Variants in GALNT10 observed in about 807,000 individuals in gnomAD.
GALNT10 encodes the protein GalNAc transferase 10.
GALNT10 carries 41 observed loss-of-function variants against 75.0 expected under a neutral mutation model. That is an observed-to-expected ratio of 0.55 (90% CI 0.43 to 0.71). The LOEUF is 0.71. GALNT10 is among the 30% of genes least tolerant of loss of function. The pLI, the probability that GALNT10 is intolerant of heterozygous loss-of-function variation, is 0.00. For missense variants in GALNT10, 727 were observed against 818.5 expected (o/e 0.89, Z 1.36); for synonymous variants, 302 against 313.0 (o/e 0.96, Z 0.37).
intron 5 of GALNT10, among the ~76,000 whole-genome samples, chr5:154,380,243 C>T (rs961171967): frequency 1.3e-5 from 2 of 152,140 alleles, no homozygotes; most frequent in African/African-American, 4.8e-5. Context: ...TGTGCAGCTG[C>T]CTCAGGGCCC....
chr5:154,281,742 C>G (rs1754041059), intron 1 of GALNT10, among the ~76,000 whole-genome samples: 1 of 152,218 alleles, frequency 6.6e-6, no homozygotes, highest in African/African-American at 2.4e-5. Context: ...GTATTTTTCT[C>G]TCACTTCAAA....
intron 7 of GALNT10, among the ~76,000 whole-genome samples, chr5:154,395,357 G>C (rs1432222215): frequency 6.6e-6 from 1 of 152,218 alleles, no homozygotes; most frequent in Non-Finnish European, 1.5e-5. Context: ...GCTAGCTGCT[G>C]TGTGACTTTG....
In GALNT10 at chr5:154,417,273, G is replaced by A; in HGVS notation, c.*301G>A. 6.4e-6 allele frequency: 2 copies of A among 313,082 alleles called. No homozygotes were observed. The highest frequency in any genetic ancestry group is 1.2e-5 in the Non-Finnish European group (2 of 167,064). The allele number at this position is 313,082 out of a possible 1,614,324, so 19.4% of individuals were successfully genotyped here. ...TTCAACTTTGTCACTATGTCCCCTT[G>A]AACATTATGTGGGAGAACACCAAGG... On this transcript the variant is annotated 3_prime_UTR_variant, in exon 12 of 12. Coordinates refer to ENST00000297107, the MANE Select transcript of GALNT10 (RefSeq NM_198321.4).
chr5:154,402,576 C>G lies in GALNT10; in HGVS notation c.1057-1528C>G, dbSNP rs1756191135. Among the ~76,000 whole-genome samples the G allele has an allele frequency of 6.6e-6, 1 of 152,226 alleles. No individual in the cohort carries two copies. The highest frequency in any genetic ancestry group is 6.5e-5 in the Admixed American group (1 of 15,292). Reference sequence around the variant, plus strand: ...ACAATACACAGTTATGATGGCAGCGCTTCCCTAGGCCAGGGATTTGGGAGT... The same window carrying G: ...ACAATACACAGTTATGATGGCAGCGGTTCCCTAGGCCAGGGATTTGGGAGT... On this transcript the variant is annotated intron_variant, in intron 7 of 11. Transcript: ENST00000297107. The surrounding 1 kb of genome is among the most constrained non-coding windows in gnomAD (Gnocchi z 4.2).
chr5:154,290,128 G>C (rs1279107448), intron 1 of GALNT10, among the ~76,000 whole-genome samples: 2 of 142,024 alleles, frequency 1.4e-5, no homozygotes, highest in African/African-American at 5.4e-5. Context: ...GTCTCACTCT[G>C]TTGCCCAGGC....
chr5:154,416,862 G>A lies in GALNT10; in HGVS notation c.1702G>A (p.Glu568Lys), dbSNP rs780906906. ...CAGTGGCAGCTGCATGGACTGCAGT[G>A]AAAGTGACCATAGGATCTTCATGAA... ...PVSGSCMDCS[E>K]SDHRIFMNTC... Residue 568 changes from glutamate to lysine, a missense_variant, in exon 12 of 12, where the codon GAA becomes AAA. Transcript: ENST00000297107. The surrounding 1 kb of genome is among the most constrained non-coding windows in gnomAD (Gnocchi z 4.5). The A allele has an allele frequency of 6.2e-7, 1 of 1,613,330 alleles. No homozygotes were observed. The highest frequency in any genetic ancestry group is 8.5e-7 in the Non-Finnish European group (1 of 1,179,232).
intron 4 of GALNT10, among the ~76,000 whole-genome samples, chr5:154,372,694 G>T (rs1482767106): frequency 6.6e-6 from 1 of 152,172 alleles, no homozygotes; most frequent in Non-Finnish European, 1.5e-5. Flanking sequence ...CACCTGAGGG[G>T]TGAGGGAGCT....
chr5:154,192,686 G>T (rs1774877886), intron 1 of GALNT10, among the ~76,000 whole-genome samples: 1 of 152,166 alleles, frequency 6.6e-6, no homozygotes, highest in African/African-American at 2.4e-5. Flanking sequence ...TGAGTCCAGA[G>T]TTCCTTGTAG....
At position 154,415,712 on chromosome 5, in the gene GALNT10, T is replaced by C. The variant is rs1756489331; in HGVS notation, c.1504-71T>C. ...CCTCTGAGTTTAAATTTTTCCATAATTTAAAAAAAATGGAGAAAAAAAGAA... is the reference window on the plus strand; with the variant it reads ...CCTCTGAGTTTAAATTTTTCCATAACTTAAAAAAAATGGAGAAAAAAAGAA... On this transcript the variant is annotated intron_variant, in intron 10 of 11. Coordinates refer to ENST00000297107, the MANE Select transcript of GALNT10 (RefSeq NM_198321.4). 3.7e-6 allele frequency: 5 copies of C among 1,339,194 alleles called. No homozygotes were observed. In the African/African-American group the frequency reaches 9.0e-5, roughly 24 times the overall value. 83.0% of individuals were successfully genotyped at this position (1,339,194 alleles called of 1,614,324 possible).
intron 1 of GALNT10, among the ~76,000 whole-genome samples, chr5:154,219,838 TCACACACACA>T (rs553301418): frequency 8.0e-6 from 1 of 125,556 alleles, no homozygotes; most frequent in Non-Finnish European, 1.7e-5. Flanking sequence ...TCTCTCTCTC[TCACACACACA>T]CACACACACA....
At chr5:154,318,280 C>T (rs1045342391) in intron 3 of GALNT10, among the ~76,000 whole-genome samples, 2 of 152,262 alleles carry the variant, frequency 1.3e-5, no homozygotes, top group South Asian at 4.1e-4. Flanking sequence ...CAGCTGGGAC[C>T]TCAGTTGCAT....
intron 1 of GALNT10, among the ~76,000 whole-genome samples, chr5:154,223,449 A>G (rs1410631554): frequency 6.6e-6 from 1 of 152,212 alleles, no homozygotes; most frequent in Admixed American, 6.5e-5. Context: ...TCTCTAGTAT[A>G]AGGTAGACTG....
At chr5:154,322,740 A>G (rs989610258) in intron 3 of GALNT10, among the ~76,000 whole-genome samples, 2 of 152,146 alleles carry the variant, frequency 1.3e-5, no homozygotes, top group Non-Finnish European at 2.9e-5. Context: ...AGAGCTCACC[A>G]TGTTGGTACA....
At chr5:154,300,247 GT>G in intron 3 of GALNT10, among the ~76,000 whole-genome samples, 1 of 152,218 alleles carries the variant, frequency 6.6e-6, no homozygotes, top group Non-Finnish European at 1.5e-5. Context: ...CAATGTATGT[GT>G]TTAGCTCCTT....
At position 154,416,905 on chromosome 5, in the gene GALNT10, C is replaced by T. The variant is rs1299641478; in HGVS notation, c.1745C>T (p.Ser582Phe). 3 of 1,613,890 alleles carry T rather than the reference C, an allele frequency of 1.9e-6. No individual in the cohort carries two copies. Among genetic ancestry groups the T allele is most frequent in the East Asian group, 2.2e-5 (1 of 44,896 alleles). Residue 582 changes from serine (S) to phenylalanine (F), a missense_variant, in exon 12 of 12, where the codon TCT becomes TTT. Ser to Phe is a radical substitution (Grantham distance 155, BLOSUM62 -2). Coordinates refer to ENST00000297107, the MANE Select transcript of GALNT10 (RefSeq NM_198321.4). This position sits in a 1 kb window ranked among gnomAD's most constrained non-coding sequence, Gnocchi z 4.5. ...RIFMNTCNPS[S>F]LTQQWLFEHT... Reference sequence around the variant, plus strand: ...TTCATGAACACCTGCAACCCATCCTCTCTCACCCAGCAGTGGCTGTTTGAA... The same window carrying T: ...TTCATGAACACCTGCAACCCATCCTTTCTCACCCAGCAGTGGCTGTTTGAA...
rs756552346 is a variant in GALNT10, at chr5:154,418,608, G to A, written c.*1636G>A. On this transcript the variant is annotated 3_prime_UTR_variant, in exon 12 of 12. Transcript: ENST00000297107. ...GACCTAAGTCTGGGAACAGAGCCACGAATCTGCCTTTGAGATGCTGGCAGA... is the reference window on the plus strand; with the variant it reads ...GACCTAAGTCTGGGAACAGAGCCACAAATCTGCCTTTGAGATGCTGGCAGA... The A allele has an allele frequency of 2.0e-5, 3 of 152,196 alleles. No homozygotes were observed. The highest frequency in any genetic ancestry group is 6.5e-5 in the Admixed American group (1 of 15,280). The allele number at this position is 152,196 out of a possible 1,614,324, so 9.4% of individuals were successfully genotyped here.
At chr5:154,306,886 C>T (rs1310104465) in intron 3 of GALNT10, among the ~76,000 whole-genome samples, 1 of 152,096 alleles carries the variant, frequency 6.6e-6, no homozygotes. Context: ...ACCAATATAA[C>T]CTAATTGATA....
In GALNT10 at chr5:154,323,385, T is replaced by A. The variant is rs1403692572; in HGVS notation, c.402-6187T>A. Among the ~76,000 whole-genome samples the A allele has an allele frequency of 2.7e-5, 4 of 148,624 alleles. No homozygotes were observed. In the South Asian group the frequency reaches 6.4e-4, roughly 24 times the overall value. ...AGACCCCATTTCAAAAAAAAAAAAA[T>A]GTAAAAGTCATTTTAGCTTGAGGGT... On this transcript the variant is annotated intron_variant, in intron 3 of 11. Transcript: ENST00000297107.
intron 1 of GALNT10, among the ~76,000 whole-genome samples, chr5:154,282,015 A>G (rs2113055656): frequency 6.6e-6 from 1 of 152,326 alleles, no homozygotes; most frequent in East Asian, 1.9e-4. Context: ...AGATGCCAGA[A>G]ACTAGATAAT....
Sources: allele counts gnomAD v4.1 joint callset (sites outside exome capture counted in the v4.1 genomes callset), GRCh38; gene constraint gnomAD v4.1.1; non-coding constraint Gnocchi (gnomAD v3.1); transcripts MANE v1.5; gene names NCBI Gene and HGNC (gene_info 2026-07-23, HGNC 2026-07-21).